The following FABP9 variants were observed in gnomAD, a reference collection of about 807,000 sequenced individuals.
The protein encoded by FABP9 is fatty acid binding protein 9, also known as fatty acid-binding protein 9.
Under a neutral mutation model 14.7 loss-of-function variants are expected in FABP9, and 11 were observed. That is an observed-to-expected ratio of 0.75 (90% CI 0.47 to 1.24). FABP9 has a LOEUF of 1.24. Among genes scored for constraint, FABP9 ranks in the 50% most tolerant of loss-of-function variants. FABP9 has a pLI of 0.00. For synonymous variants in FABP9, 54 were observed against 50.6 expected (o/e 1.07, Z -0.29); for missense variants, 171 against 158.2 (o/e 1.08, Z -0.44).
chr8:81,460,904 G>A (rs1252222455), intron 1 of FABP9, among the ~76,000 whole-genome samples: 1 of 152,186 alleles, frequency 6.6e-6, no homozygotes, highest in African/African-American at 2.4e-5. Context: ...GGAATATCCA[G>A]TGGTGAGACA....
intron 3 of FABP9, 27 bp from the exon 4 acceptor site, chr8:81,458,460 G>T (rs1274971027): frequency 3.8e-6 from 6 of 1,588,724 alleles, no homozygotes; most frequent in Non-Finnish European, 5.2e-6. Context: ...ATCTATTAGA[G>T]CTGGTAGATA....
intron 1 of FABP9, 25 bp downstream of exon 1, chr8:81,461,426 C>T: frequency 6.5e-7 from 1 of 1,543,742 alleles, no homozygotes; most frequent in Non-Finnish European, 9.0e-7. Flanking sequence ...TTGCCAATTT[C>T]CAAATTTGTA....
Position 81,461,553 on chromosome 8 carries a change from G to T in FABP9, c.-30C>A, listed in dbSNP as rs371474263. The T allele has an allele frequency of 7.0e-6, 11 of 1,572,980 alleles. No homozygotes were observed. The highest frequency in any genetic ancestry group is 8.7e-6 in the Non-Finnish European group (10 of 1,143,048). On this transcript the variant is annotated 5_prime_UTR_variant, in exon 1 of 4. Transcript: ENST00000379071. ...GAACACTTGCTGAGAAGAGCCACTC[G>T]TAATTGAAAACCAAAGAAATATAGG... is the stretch of plus-strand genomic sequence containing the variant.
intron 1 of FABP9, among the ~76,000 whole-genome samples, chr8:81,461,185 T>C (rs943587751): frequency 6.6e-6 from 1 of 152,140 alleles, no homozygotes; most frequent in Non-Finnish European, 1.5e-5. Context: ...TATCTAGAAG[T>C]TAGGTGAAGT....
intron 1 of FABP9, among the ~76,000 whole-genome samples, chr8:81,461,093 A>G (rs1807684867): frequency 6.6e-6 from 1 of 152,226 alleles, no homozygotes; most frequent in African/African-American, 2.4e-5. Flanking sequence ...GATCAATTTA[A>G]TTGTAGGTAG....
In FABP9 at chr8:81,459,187, G is replaced by C. The variant is rs910518788; in HGVS notation, c.224C>G (p.Thr75Arg). 1 of 1,591,032 alleles carries C rather than the reference G, an allele frequency of 6.3e-7. No homozygotes were observed. Among genetic ancestry groups the C allele is most frequent in the Non-Finnish European group, 8.5e-7 (1 of 1,172,312 alleles). The change falls in exon 2 of 4, where the codon ACA becomes AGA. Residue 75 changes from threonine to arginine, a missense_variant. Transcript: ENST00000379071. Reference sequence around the variant, plus strand: ...GACCTTTACTTTCCGGTTGTCTGCTGTAGTTTCATCAAATTCTTCCCCCAG... The same window carrying C: ...GACCTTTACTTTCCGGTTGTCTGCTCTAGTTTCATCAAATTCTTCCCCCAG... The part of the protein sequence containing the change: ...FKLGEEFDET[T>R]ADNRKVKSTI...
chr8:81,458,736 C>G, intron 2 of FABP9, 33 bp from the exon 3 acceptor site: 1 of 1,414,714 alleles, frequency 7.1e-7, no homozygotes, highest in Non-Finnish European at 1.0e-6. Flanking sequence ...GAAGTAGCAA[C>G]TCACTACCTT....
intron 1 of FABP9, among the ~76,000 whole-genome samples, chr8:81,460,555 G>C (rs918903690): frequency 6.6e-6 from 1 of 152,134 alleles, no homozygotes; most frequent in Non-Finnish European, 1.5e-5. Flanking sequence ...GACTACATCA[G>C]AGGAACAAAT....
At chr8:81,459,119 C>G (rs757596557) in intron 2 of FABP9, 46 bp downstream of exon 2, 2 of 1,534,686 alleles carry the variant, frequency 1.3e-6, no homozygotes, top group Non-Finnish European at 1.7e-6. Flanking sequence ...TAACCACCTT[C>G]TAACTTTTTC....
intron 3 of FABP9, 26 bp from the exon 4 acceptor site, chr8:81,458,459 A>T (rs1206275599): frequency 6.3e-7 from 1 of 1,591,386 alleles, no homozygotes; most frequent in Non-Finnish European, 8.6e-7. Context: ...AATCTATTAG[A>T]GCTGGTAGAT....
rs201617700 is a variant in FABP9, at chr8:81,459,310, G to A, written c.101C>T (p.Ala34Val). 1,400 of 1,548,322 alleles carry A rather than the reference G, an allele frequency of 9.0e-4. 11 individuals carry two copies. Among genetic ancestry groups the A allele is most frequent in the South Asian group, 6.7e-3 (523 of 78,532 alleles). ...AGTTACTGTCGGTTTCACTAACCCTGCCATGTTCCGGGCTGCGAAATTCAC... is the reference window on the plus strand; with the variant it reads ...AGTTACTGTCGGTTTCACTAACCCTACCATGTTCCGGGCTGCGAAATTCAC... ...LGVNFAARNM[A>V]GLVKPTVTIS... Residue 34 changes from alanine to valine, a missense_variant, in exon 2 of 4, where the codon GCA (alanine) becomes GTA (valine). Transcript: ENST00000379071.
chr8:81,458,625 T>C lies in FABP9; in HGVS notation c.325A>G (p.Ile109Val). 1 of 1,613,480 alleles carries C rather than the reference T, an allele frequency of 6.2e-7. No homozygotes were observed. The highest frequency in any genetic ancestry group is 8.5e-7 in the Non-Finnish European group (1 of 1,179,570). The change falls in exon 3 of 4, where the codon ATT becomes GTT. Residue 109 changes from isoleucine to valine, a missense_variant. Coordinates refer to ENST00000379071, the MANE Select transcript of FABP9 (RefSeq NM_001080526.2). ...LGKETTIKRK[I>V]VDEKMVVECK... Reference sequence around the variant, plus strand: ...ACCACTACCATTTTTTCATCCACAATTTTTCTTTTGATTGTTGTCTCTTTG... The same window carrying C: ...ACCACTACCATTTTTTCATCCACAACTTTTCTTTTGATTGTTGTCTCTTTG...
rs1354180693 is a variant in FABP9 at position 81,458,705 on chromosome 8, T to C, written c.247-2A>G. On this transcript the variant is annotated splice_acceptor_variant, in intron 2 of 3. Transcript: ENST00000379071. LOFTEE classifies it high-confidence loss of function. ...GCCATTCTCTAATGTTATGGTGCTC[T>C]ATAAATGCATAAAGAAATCAGAAGT... is the stretch of plus-strand genomic sequence containing the variant. 1.2e-6 allele frequency: 2 copies of C among 1,605,144 alleles called. No homozygotes were observed. The highest frequency in any genetic ancestry group is 1.7e-5 in the Admixed American group (1 of 59,878).
chr8:81,458,486 C>CCT, intron 3 of FABP9, 53 bp from the exon 4 acceptor site: 1 of 1,527,972 alleles, frequency 6.5e-7, no homozygotes, highest in Non-Finnish European at 9.1e-7. Context: ...CTAAACTTGC[C>CCT]CTGCCCCTTT....
In FABP9 at chr8:81,461,487, A is replaced by T. The variant is rs754992107; in HGVS notation, c.37T>A (p.Ser13Thr). The change falls in exon 1 of 4, where the codon TCC (serine) becomes ACC (threonine). Residue 13 changes from serine to threonine, a missense_variant. Transcript: ENST00000379071. ...EPFLGTWKLVSSENFEDYMKE... is the reference protein window; with the variant it reads ...EPFLGTWKLVTSENFEDYMKE... ...ATGTAATCCTCAAAGTTTTCACTGGAGACCAGCTTCCAGGTTCCCAAGAAG... is the reference window on the plus strand; with the variant it reads ...ATGTAATCCTCAAAGTTTTCACTGGTGACCAGCTTCCAGGTTCCCAAGAAG... 6.2e-7 allele frequency: 1 copy of T among 1,613,710 alleles called. No individual in the cohort carries two copies. The highest frequency in any genetic ancestry group is 8.5e-7 in the Non-Finnish European group (1 of 1,179,754).
chr8:81,459,082 A>G (rs1447088427), intron 2 of FABP9, 83 bp downstream of exon 2: 2 of 1,234,394 alleles, frequency 1.6e-6, no homozygotes, highest in South Asian at 1.4e-5. Flanking sequence ...AGACTTGGTG[A>G]TAAATCAAAT....
chr8:81,460,670 G>A (rs1331008347), intron 1 of FABP9, among the ~76,000 whole-genome samples: 2 of 152,044 alleles, frequency 1.3e-5, no homozygotes, highest in African/African-American at 4.8e-5. Context: ...CATTAAGCAT[G>A]TTATGTAAGT....
intron 1 of FABP9, among the ~76,000 whole-genome samples, chr8:81,459,979 G>GT (rs568405597): frequency 0.26 from 38,926 of 149,104 alleles, 6,771 homozygotes; most frequent in East Asian, 0.68. Flanking sequence ...GACCTCGCAA[G>GT]TTTTTTTTTT....
chr8:81,458,367 T>G lies in FABP9; in HGVS notation c.*16A>C, dbSNP rs757981867. On this transcript the variant is annotated 3_prime_UTR_variant, in exon 4 of 4. Coordinates refer to ENST00000379071, the MANE Select transcript of FABP9 (RefSeq NM_001080526.2). Reference sequence around the variant, plus strand: ...TCCTTGTCAGTGAACAAGTTTTCATTGCTGTGGACCTTTCTTCACACCTTT... The same window carrying G: ...TCCTTGTCAGTGAACAAGTTTTCATGGCTGTGGACCTTTCTTCACACCTTT... The G allele has an allele frequency of 6.2e-7, 1 of 1,600,542 alleles. No individual in the cohort carries two copies. Among genetic ancestry groups the G allele is most frequent in the Non-Finnish European group, 8.6e-7 (1 of 1,167,998 alleles).
Sources: gnomAD v4.1 joint callset for allele counts (sites outside exome capture counted in the v4.1 genomes callset) on GRCh38, gnomAD v4.1.1 for gene constraint, MANE v1.5 for transcripts, NCBI Gene and HGNC (gene_info 2026-07-23, HGNC 2026-07-21) for gene names.